Variants in IL1RAPL1 observed in about 807,000 individuals in gnomAD.
The protein encoded by IL1RAPL1 is interleukin-1 receptor accessory protein-like 1.
In IL1RAPL1, 3 loss-of-function variants were observed where a neutral mutation model predicts 48.4. That is an observed-to-expected ratio of 0.06 (90% CI 0.03 to 0.16). The LOEUF is 0.16. IL1RAPL1 is among the 10% of genes least tolerant of loss of function. The pLI is 1.00. For synonymous variants in IL1RAPL1, 185 were observed against 187.7 expected (o/e 0.99, Z 0.12); for missense variants, 349 against 530.6 (o/e 0.66, Z 3.36).
intron 3 of IL1RAPL1, among the ~76,000 whole-genome samples, chrX:29,334,001 G>T (rs865821059): frequency 2.6e-5 from 2 of 76,783 alleles, no homozygotes; most frequent in East Asian, 3.9e-4. Context: ...CCTCCCGGAC[G>T]GGGCGGCTGG....
At chrX:29,398,828 C>G (rs747866479) in intron 4 of IL1RAPL1, among the ~76,000 whole-genome samples, 95 of 111,680 alleles carry the variant, frequency 8.5e-4, no homozygotes, top group Non-Finnish European at 1.3e-3. Context: ...GCATACATCT[C>G]TATTCTTATA....
intron 2 of IL1RAPL1, among the ~76,000 whole-genome samples, chrX:29,140,431 C>A (rs1929221792): frequency 8.9e-6 from 1 of 111,905 alleles, no homozygotes; most frequent in African/African-American, 3.2e-5. Flanking sequence ...ATTTAAAATT[C>A]TCTGGATTCA....
chrX:29,490,631 A>G (rs183705296), intron 5 of IL1RAPL1, among the ~76,000 whole-genome samples: 1 of 111,946 alleles, frequency 8.9e-6, no homozygotes, highest in East Asian at 2.8e-4. Context: ...AAGCTACAAA[A>G]TAGGAAAGAC....
At chrX:29,852,176 C>T (rs935517767) in intron 6 of IL1RAPL1, among the ~76,000 whole-genome samples, 9 of 112,622 alleles carry the variant, frequency 8.0e-5, no homozygotes, top group Non-Finnish European at 1.7e-4. Flanking sequence ...ATTTATAAAC[C>T]AGAATGCTGA....
chrX:29,183,846 A>G (rs1433050994), intron 2 of IL1RAPL1, among the ~76,000 whole-genome samples: 2 of 111,664 alleles, frequency 1.8e-5, no homozygotes, highest in African/African-American at 6.5e-5. Flanking sequence ...GGCATGTGCC[A>G]CCAGGCCCAG....
intron 6 of IL1RAPL1, among the ~76,000 whole-genome samples, chrX:29,887,780 A>C (rs146502431): frequency 9.0e-6 from 1 of 111,245 alleles, no homozygotes; most frequent in African/African-American, 3.3e-5. Flanking sequence ...ATAGTTTAAT[A>C]AGTTCGTCCT....
intron 2 of IL1RAPL1, among the ~76,000 whole-genome samples, chrX:28,843,621 G>T (rs1372448236): frequency 9.0e-6 from 1 of 111,716 alleles, no homozygotes; most frequent in Non-Finnish European, 1.9e-5. Flanking sequence ...ATGAATCTTT[G>T]GATTTTGTAA....
chrX:29,523,883 T>C (rs1170811047), intron 5 of IL1RAPL1, among the ~76,000 whole-genome samples: 1 of 110,988 alleles, frequency 9.0e-6, no homozygotes, highest in Non-Finnish European at 1.9e-5. Flanking sequence ...TGTAAATTCA[T>C]GTCAGATCTA....
At chrX:29,516,013 G>T (rs1935441940) in intron 5 of IL1RAPL1, among the ~76,000 whole-genome samples, 1 of 111,765 alleles carries the variant, frequency 8.9e-6, no homozygotes, top group Non-Finnish European at 1.9e-5. Context: ...ATTCAAAGGT[G>T]ATATGATGCC....
chrX:29,485,857 G>C (rs979023642), intron 5 of IL1RAPL1, among the ~76,000 whole-genome samples: 3 of 111,296 alleles, frequency 2.7e-5, no homozygotes, highest in African/African-American at 9.8e-5. Context: ...GACTCAAAGT[G>C]TGAGCAGGAG....
intron 2 of IL1RAPL1, among the ~76,000 whole-genome samples, chrX:28,949,729 A>T (rs938652949): frequency 9.2e-6 from 1 of 109,032 alleles, no homozygotes; most frequent in Non-Finnish European, 1.9e-5. Context: ...TGGCTGCATA[A>T]ATGTCTTCTT....
chrX:29,399,414 C>A, intron 5 of IL1RAPL1, 106 bp downstream of exon 5: 1 of 663,423 alleles, frequency 1.5e-6, no homozygotes, highest in Non-Finnish European at 2.4e-6. Flanking sequence ...ATTACATAAT[C>A]AAATGCTAAG....
At chrX:28,661,000 G>C (rs1383659515) in intron 1 of IL1RAPL1, among the ~76,000 whole-genome samples, 2 of 111,239 alleles carry the variant, frequency 1.8e-5, no homozygotes, top group Middle Eastern at 8.5e-3. Context: ...ATTAGCAAAA[G>C]AGGTGTTATG....
At chrX:29,164,638 G>A (rs994764469) in intron 2 of IL1RAPL1, among the ~76,000 whole-genome samples, 8 of 111,628 alleles carry the variant, frequency 7.2e-5, no homozygotes, top group Non-Finnish European at 1.5e-4. Context: ...TATTATAGGA[G>A]AAAAATGTGT....
At chrX:29,651,067 CAGTG>C (rs1279976039) in intron 5 of IL1RAPL1, among the ~76,000 whole-genome samples, 1 of 108,299 alleles carries the variant, frequency 9.2e-6, no homozygotes, top group African/African-American at 3.4e-5. Flanking sequence ...ATCATGACCA[CAGTG>C]AGCTATCACC....
At chrX:29,854,066 C>T (rs1931430828) in intron 6 of IL1RAPL1, among the ~76,000 whole-genome samples, 2 of 112,119 alleles carry the variant, frequency 1.8e-5, no homozygotes, top group South Asian at 7.5e-4. Context: ...CATTCTCCTT[C>T]CAAATTTTCG....
intron 2 of IL1RAPL1, among the ~76,000 whole-genome samples, chrX:29,087,229 C>A (rs1435426302): frequency 9.4e-6 from 1 of 106,587 alleles, no homozygotes; most frequent in Non-Finnish European, 1.9e-5. Flanking sequence ...CCTACGCCTC[C>A]TGGGTTCAAG....
At chrX:29,862,001 G>A (rs1931595838) in intron 6 of IL1RAPL1, among the ~76,000 whole-genome samples, 2 of 109,909 alleles carry the variant, frequency 1.8e-5, no homozygotes, top group Non-Finnish European at 3.8e-5. Flanking sequence ...CCAGAAGTTC[G>A]AGACCAGCTT....
Position 29,811,472 on chromosome X carries a change from G to C in IL1RAPL1, c.779-105992G>C, listed in dbSNP as rs1930381104. Among the ~76,000 whole-genome samples the C allele has an allele frequency of 3.0e-5, 3 of 100,608 alleles. No homozygotes were observed. In the South Asian group the frequency reaches 1.5e-3, roughly 49 times the overall value. 87.4% of individuals were successfully genotyped at this position (100,608 alleles called of 115,157 possible). On this transcript the variant is annotated intron_variant, in intron 6 of 10. Transcript: ENST00000378993. ...TTTTTTTTCTGCCTGCTTTATATTT[G>C]CTGGCAGCTGATTAGATTGTGCCCA...
Sources: allele counts gnomAD v4.1 joint callset (sites outside exome capture counted in the v4.1 genomes callset), GRCh38; gene constraint gnomAD v4.1.1; transcripts MANE v1.5; gene names NCBI Gene and HGNC (gene_info 2026-07-23, HGNC 2026-07-21).